Variants in DSCAML1 observed in about 807,000 individuals in gnomAD.
DSCAML1 encodes cell adhesion molecule DSCAML1.
A neutral mutation model predicts 200.5 loss-of-function variants in DSCAML1; 38 were observed. The observed-to-expected ratio is 0.19, with a 90% CI of 0.15 to 0.25. The LOEUF is 0.25. Among genes scored for constraint, DSCAML1 ranks in the 10% least tolerant of loss-of-function variants. The pLI, the probability that DSCAML1 is intolerant of heterozygous loss-of-function variation, is 1.00. For missense variants in DSCAML1, 2,223 were observed against 2,858.8 expected (o/e 0.78, Z 5.07); for synonymous variants, 1,215 against 1,165.0 (o/e 1.04, Z -0.87).
At chr11:117,813,512 G>A (rs1219842739) in intron 1 of DSCAML1, among the ~76,000 whole-genome samples, 3 of 152,120 alleles carry the variant, frequency 2.0e-5, no homozygotes, top group African/African-American at 7.2e-5. Context: ...ATCTTTGCTG[G>A]CAGGACTATG....
chr11:117,644,618 G>C (rs1474437272), intron 3 of DSCAML1, among the ~76,000 whole-genome samples: 1 of 152,226 alleles, frequency 6.6e-6, no homozygotes, highest in South Asian at 2.1e-4. Context: ...TATTAAATAC[G>C]TTCAAGAGCC....
At chr11:117,477,229 GCA>G (rs2048811846) in intron 14 of DSCAML1, among the ~76,000 whole-genome samples, 1 of 92,854 alleles carries the variant, frequency 1.1e-5, no homozygotes. Flanking sequence ...ACACACACGT[GCA>G]CACTCTCTCC....
chr11:117,569,567 C>T (rs2050811812), intron 3 of DSCAML1, among the ~76,000 whole-genome samples: 1 of 152,182 alleles, frequency 6.6e-6, no homozygotes, highest in Non-Finnish European at 1.5e-5. Context: ...CCTGCCAAGC[C>T]CTGCCTACTT....
At position 117,780,731 on chromosome 11, in the gene DSCAML1, C is replaced by A; in HGVS notation, c.126G>T (p.Gly42=). 4 of 1,560,844 alleles carry A rather than the reference C, an allele frequency of 2.6e-6. No homozygotes were observed. Among genetic ancestry groups the A allele is most frequent in the Non-Finnish European group, 3.5e-6 (4 of 1,154,076 alleles). Reference sequence around the variant, plus strand: ...CCGCGGCCGGGCAGGGCACCACCACCCCCACGGAGCTGGAAAAGGTCACCT... The same window carrying A: ...CCGCGGCCGGGCAGGGCACCACCACACCCACGGAGCTGGAAAAGGTCACCT... The part of the protein sequence containing the change: ...LQQVTFSSSV[G]VVVPCPAAGS... Residue 42 remains glycine (G), a synonymous_variant, in exon 2 of 33, where the codon GGG becomes GGT. Coordinates refer to ENST00000651296, the MANE Select transcript of DSCAML1 (RefSeq NM_020693.4). The surrounding 1 kb of genome is among the most constrained non-coding windows in gnomAD (Gnocchi z 4.8).
chr11:117,674,816 T>A (rs1277291328), intron 3 of DSCAML1, among the ~76,000 whole-genome samples: 1 of 152,132 alleles, frequency 6.6e-6, no homozygotes. Flanking sequence ...TGGGTGACTT[T>A]GGGCAAATCA....
chr11:117,627,231 T>G (rs1178393769), intron 3 of DSCAML1, among the ~76,000 whole-genome samples: 29 of 152,148 alleles, frequency 1.9e-4, no homozygotes, highest in Admixed American at 1.9e-3. Flanking sequence ...GGCGGGAGTT[T>G]TCCCTTCCGC....
chr11:117,813,919 C>T (rs1369082374), intron 1 of DSCAML1, among the ~76,000 whole-genome samples: 3 of 152,240 alleles, frequency 2.0e-5, no homozygotes, highest in Admixed American at 2.0e-4. Flanking sequence ...GAGCCCAAGC[C>T]AAGCCATCGC....
In DSCAML1 at chr11:117,683,368, G is replaced by C. The variant is rs1565872340; in HGVS notation, c.511+93423C>G. ...GACTGCACGCCTCTAAGTTGAAAAG[G>C]CTAAGAGCACAAGACCTACTGCGTG... is the stretch of plus-strand genomic sequence containing the variant. On this transcript the variant is annotated intron_variant, in intron 3 of 32. Transcript: ENST00000651296. Among the ~76,000 whole-genome samples, 8 of 152,212 alleles carry C rather than the reference G, an allele frequency of 5.3e-5. No individual in the cohort carries two copies. In the South Asian group the frequency reaches 1.7e-3, roughly 32 times the overall value.
At chr11:117,621,772 T>C (rs2051939002) in intron 3 of DSCAML1, among the ~76,000 whole-genome samples, 1 of 152,094 alleles carries the variant, frequency 6.6e-6, no homozygotes, top group Non-Finnish European at 1.5e-5. Flanking sequence ...CAGGAGGCAA[T>C]ATTTACCTCA....
chr11:117,655,100 C>T (rs559906777), intron 3 of DSCAML1, among the ~76,000 whole-genome samples: 2 of 152,354 alleles, frequency 1.3e-5, no homozygotes, highest in South Asian at 2.1e-4. Flanking sequence ...GCCTTGCAGC[C>T]GCCCCTGGGC....
chr11:117,658,075 C>T (rs1352452067), intron 3 of DSCAML1, among the ~76,000 whole-genome samples: 2 of 152,142 alleles, frequency 1.3e-5, no homozygotes, highest in South Asian at 2.1e-4. Flanking sequence ...GCTTTTCCAC[C>T]GTGCAACTGC....
chr11:117,565,085 C>T (rs931654217), intron 3 of DSCAML1, among the ~76,000 whole-genome samples: 2 of 152,110 alleles, frequency 1.3e-5, no homozygotes, highest in Non-Finnish European at 2.9e-5. Flanking sequence ...CTTTCAATGA[C>T]GACCTGACCA....
At chr11:117,747,791 T>C (rs1484660287) in intron 3 of DSCAML1, among the ~76,000 whole-genome samples, 1 of 152,146 alleles carries the variant, frequency 6.6e-6, no homozygotes, top group Admixed American at 6.5e-5. Flanking sequence ...GATGCAGTGC[T>C]GTGTGGGGCA....
At chr11:117,781,062 C>T (rs1470184213) in intron 1 of DSCAML1, among the ~76,000 whole-genome samples, 1 of 152,026 alleles carries the variant, frequency 6.6e-6, no homozygotes, top group Non-Finnish European at 1.5e-5. Flanking sequence ...TTTGGGAGGC[C>T]GAGGCGGGCG....
At chr11:117,798,367 G>T (rs1488583219), upstream of DSCAML1, among the ~76,000 whole-genome samples, 1 of 152,214 alleles carries the variant, frequency 6.6e-6, no homozygotes, top group Non-Finnish European at 1.5e-5. Flanking sequence ...TCACATGGGA[G>T]AATTGGGACT....
intron 20 of DSCAML1, among the ~76,000 whole-genome samples, chr11:117,445,670 C>T (rs760279020): frequency 1.3e-4 from 20 of 152,148 alleles, no homozygotes; most frequent in Admixed American, 2.6e-4. Context: ...AGTACAGGAA[C>T]GTATGTGTTT....
At chr11:117,513,698 G>A (rs1235968361) in intron 8 of DSCAML1, among the ~76,000 whole-genome samples, 8 of 142,942 alleles carry the variant, frequency 5.6e-5, no homozygotes, top group Admixed American at 1.5e-4. Flanking sequence ...CTGAGATCAC[G>A]CCACTGCACT....
At chr11:117,648,116 C>A (rs1258579824) in intron 3 of DSCAML1, among the ~76,000 whole-genome samples, 5 of 152,246 alleles carry the variant, frequency 3.3e-5, no homozygotes, top group Admixed American at 2.0e-4. Flanking sequence ...TCCCCTTGAT[C>A]TCCCTTTCTC....
chr11:117,551,976 T>A (rs1375096113), intron 3 of DSCAML1, among the ~76,000 whole-genome samples: 2 of 149,150 alleles, frequency 1.3e-5, no homozygotes, highest in Non-Finnish European at 3.0e-5. Context: ...GGAGACAATG[T>A]CTTATCAGAC....
Sources: gnomAD v4.1 joint callset for allele counts (sites outside exome capture counted in the v4.1 genomes callset) on GRCh38, gnomAD v4.1.1 for gene constraint, Gnocchi (gnomAD v3.1) non-coding constraint, MANE v1.5 for transcripts, NCBI Gene and HGNC (gene_info 2026-07-23, HGNC 2026-07-21) for gene names.